Variants in GOLGA5 observed in about 807,000 individuals in gnomAD.
GOLGA5 encodes the protein golgin subfamily A member 5.
In GOLGA5, 50 loss-of-function variants were observed where a neutral mutation model predicts 93.5. The observed-to-expected ratio is 0.53, with a 90% CI of 0.43 to 0.68. The LOEUF is 0.68. Among genes scored for constraint, GOLGA5 ranks in the 30% least tolerant of loss-of-function variants. The pLI, the probability that GOLGA5 is intolerant of heterozygous loss-of-function variation, is 0.00. For synonymous variants in GOLGA5, 312 were observed against 304.5 expected (o/e 1.02, Z -0.26); for missense variants, 760 against 856.4 (o/e 0.89, Z 1.40).
At chr14:92,823,063 C>A (rs549716366) in intron 8 of GOLGA5, among the ~76,000 whole-genome samples, 1 of 152,150 alleles carries the variant, frequency 6.6e-6, no homozygotes, top group Non-Finnish European at 1.5e-5. Flanking sequence ...AAATTTGCCT[C>A]TGTAGTTTTC....
chr14:92,804,623 C>T (rs1884942454), intron 2 of GOLGA5, among the ~76,000 whole-genome samples: 1 of 151,324 alleles, frequency 6.6e-6, no homozygotes, highest in African/African-American at 2.4e-5. Context: ...ATGTTCACAC[C>T]ATTATCACCT....
rs201328765 is a variant in GOLGA5 at position 92,797,529 on chromosome 14, A to C, written c.92A>C (p.Asn31Thr). ...GAATALSRKD[N>T]ASNIYSKNTD... ...GCAACAGCTCTCAGTAGGAAAGACAATGCCAGCAACATATATAGCAAAAAT... is the reference window on the plus strand; with the variant it reads ...GCAACAGCTCTCAGTAGGAAAGACACTGCCAGCAACATATATAGCAAAAAT... Residue 31 changes from asparagine (N) to threonine (T), a missense_variant, in exon 2 of 13, where the codon AAT becomes ACT. Coordinates refer to ENST00000163416, the MANE Select transcript of GOLGA5 (RefSeq NM_005113.4). The C allele has an allele frequency of 1.9e-6, 3 of 1,613,168 alleles. No homozygotes were observed. The highest frequency in any genetic ancestry group is 2.5e-6 in the Non-Finnish European group (3 of 1,179,114).
chr14:92,804,846 C>T (rs147018317), intron 2 of GOLGA5, among the ~76,000 whole-genome samples: 2 of 148,144 alleles, frequency 1.4e-5, no homozygotes, highest in African/African-American at 2.5e-5. Flanking sequence ...CAGGGTTTCA[C>T]TATGTTGGCC....
intron 8 of GOLGA5, among the ~76,000 whole-genome samples, chr14:92,822,354 G>T (rs759941363): frequency 6.6e-6 from 1 of 152,146 alleles, no homozygotes; most frequent in Non-Finnish European, 1.5e-5. Flanking sequence ...TGTCTTCACT[G>T]TTAAGTGAAA....
intron 2 of GOLGA5, among the ~76,000 whole-genome samples, chr14:92,799,008 C>G (rs4904987): frequency 2.6e-5 from 4 of 151,840 alleles, no homozygotes; most frequent in African/African-American, 7.3e-5. Flanking sequence ...GCTCTATCGC[C>G]GAGGCTTAAG....
At chr14:92,799,048 C>A (rs1415916776) in intron 2 of GOLGA5, among the ~76,000 whole-genome samples, 1 of 152,084 alleles carries the variant, frequency 6.6e-6, no homozygotes, top group Non-Finnish European at 1.5e-5. Flanking sequence ...CTCGCACTAC[C>A]TTTGACCTCC....
At chr14:92,802,579 G>A (rs1245544337) in intron 2 of GOLGA5, among the ~76,000 whole-genome samples, 2 of 151,906 alleles carry the variant, frequency 1.3e-5, no homozygotes, top group Non-Finnish European at 2.9e-5. Context: ...TTTACATTAG[G>A]TTTTTTATAG....
At chr14:92,829,647 G>C (rs1175717401) in intron 9 of GOLGA5, among the ~76,000 whole-genome samples, 4 of 152,194 alleles carry the variant, frequency 2.6e-5, no homozygotes, top group African/African-American at 9.7e-5. Flanking sequence ...GATTTCTTAA[G>C]ATGGAATCCA....
Position 92,809,532 on chromosome 14 carries a change from A to G in GOLGA5, c.992+13A>G, listed in dbSNP as rs1372472007. 8 of 1,504,782 alleles carry G rather than the reference A, an allele frequency of 5.3e-6. No individual in the cohort carries two copies. The highest frequency in any genetic ancestry group is 7.4e-6 in the Non-Finnish European group (8 of 1,082,948). 93.2% of individuals were successfully genotyped at this position (1,504,782 alleles called of 1,614,324 possible). ...GTGAAAAATCACGGTAGGTGATTCT[A>G]TGAATAATGAAAAAAATGAGCAAGT... On this transcript the variant is annotated intron_variant, in intron 4 of 12. Coordinates refer to ENST00000163416, the MANE Select transcript of GOLGA5 (RefSeq NM_005113.4).
At position 92,839,608 on chromosome 14, in the gene GOLGA5, C is replaced by A; in HGVS notation, c.*162C>A. ...GTACAAGTATTCTACCTAAATCTTCCAATTTCCTTTAAATGGTAAGAGTTT... is the reference window on the plus strand; with the variant it reads ...GTACAAGTATTCTACCTAAATCTTCAAATTTCCTTTAAATGGTAAGAGTTT... On this transcript the variant is annotated 3_prime_UTR_variant, in exon 13 of 13. Transcript: ENST00000163416. The A allele has an allele frequency of 1.7e-6, 1 of 599,582 alleles. No homozygotes were observed. The allele number at this position is 599,582 out of a possible 1,614,324, so 37.1% of individuals were successfully genotyped here. A position where few individuals can be genotyped will look rare whatever the true frequency, so the allele number is the denominator to read the frequency against.
At chr14:92,812,588 A>G (rs899790361) in intron 6 of GOLGA5, among the ~76,000 whole-genome samples, 1 of 152,046 alleles carries the variant, frequency 6.6e-6, no homozygotes, top group African/African-American at 2.4e-5. Flanking sequence ...TTTTCCTACT[A>G]CATGTCTGAA....
At chr14:92,825,777 G>A (rs909692277) in intron 9 of GOLGA5, among the ~76,000 whole-genome samples, 34 of 149,130 alleles carry the variant, frequency 2.3e-4, no homozygotes, top group African/African-American at 7.2e-4. Context: ...GATCACTTGC[G>A]CCTGGGAGGT....
At chr14:92,837,065 C>T (rs1885657141) in intron 11 of GOLGA5, among the ~76,000 whole-genome samples, 1 of 151,128 alleles carries the variant, frequency 6.6e-6, no homozygotes, top group South Asian at 2.1e-4. Flanking sequence ...GAGAGAAACT[C>T]CGTCTCAAAA....
chr14:92,813,176 A>G (rs1885137093), intron 6 of GOLGA5, among the ~76,000 whole-genome samples: 1 of 152,012 alleles, frequency 6.6e-6, no homozygotes, highest in South Asian at 2.1e-4. Context: ...CTCCTCCTCA[A>G]ACTCTTCTTT....
intron 2 of GOLGA5, 26 bp downstream of exon 2, chr14:92,798,007 TTTAGAG>T (rs1415755780): frequency 3.4e-6 from 5 of 1,449,354 alleles, no homozygotes; most frequent in Non-Finnish European, 4.7e-6. Context: ...TCTTATTTCT[TTTAGAG>T]TTAAGCAAAT....
At chr14:92,804,694 T>C (rs188850114) in intron 2 of GOLGA5, among the ~76,000 whole-genome samples, 436 of 145,800 alleles carry the variant, frequency 3.0e-3, no homozygotes, top group Middle Eastern at 0.015. Context: ...TCTCACCTTT[T>C]GCCCAGGCTG....
chr14:92,825,858 A>AG, intron 9 of GOLGA5, among the ~76,000 whole-genome samples: 1 of 150,732 alleles, frequency 6.6e-6, no homozygotes, highest in South Asian at 2.1e-4. Context: ...CCTGTCTCAA[A>AG]AAAAAAAAGA....
At chr14:92,828,612 C>G (rs1403312241) in intron 9 of GOLGA5, among the ~76,000 whole-genome samples, 5 of 152,168 alleles carry the variant, frequency 3.3e-5, no homozygotes, top group Non-Finnish European at 7.4e-5. Context: ...ATCCATTTGG[C>G]AGCCCAAGGT....
intron 1 of GOLGA5, among the ~76,000 whole-genome samples, chr14:92,796,649 C>T (rs912150998): frequency 3.9e-4 from 59 of 152,216 alleles, no homozygotes; most frequent in African/African-American, 1.2e-3. Context: ...GGATGCAGTT[C>T]AGCCCATAAC....
Sources: allele counts gnomAD v4.1 joint callset (sites outside exome capture counted in the v4.1 genomes callset), GRCh38; gene constraint gnomAD v4.1.1; transcripts MANE v1.5; gene names NCBI Gene and HGNC (gene_info 2026-07-23, HGNC 2026-07-21).